The following PIK3CB variants were observed in gnomAD, a reference collection of about 807,000 sequenced individuals.
PIK3CB encodes phosphatidylinositol 4,5-bisphosphate 3-kinase catalytic subunit beta isoform.
In PIK3CB, 39 loss-of-function variants were observed where a neutral mutation model predicts 136.8. The observed-to-expected ratio is 0.29, with a 90% confidence interval of 0.22 to 0.37. The LOEUF is 0.37. Ranked by LOEUF, PIK3CB falls within the 10% of genes least tolerant of loss-of-function variation. PIK3CB has a pLI of 1.00. For synonymous variants in PIK3CB, 428 were observed against 436.6 expected (o/e 0.98, Z 0.25); for missense variants, 868 against 1,275.4 (o/e 0.68, Z 4.87).
chr3:138,792,626 A>G (rs771695208), intron 2 of PIK3CB, among the ~76,000 whole-genome samples: 1 of 152,218 alleles, frequency 6.6e-6, no homozygotes, highest in African/African-American at 2.4e-5. Context: ...AGAGGTAAGA[A>G]GTTTGATTGA....
chr3:138,732,991 T>G lies in PIK3CB; in HGVS notation c.1050+370A>C, dbSNP rs75369742. On this transcript the variant is annotated intron_variant, in intron 8 of 23. Transcript: ENST00000674063. ...CGGGTTGTACATTAGCTCTCTAGAA[T>G]TATTCAACCAAGATAACTCTACTTT... Among the ~76,000 whole-genome samples, 936 of 151,604 alleles carry G rather than the reference T, an allele frequency of 6.2e-3. 6 individuals carry two copies. The highest frequency in any genetic ancestry group is 9.7e-3 in the Non-Finnish European group (658 of 67,860).
intron 19 of PIK3CB, among the ~76,000 whole-genome samples, chr3:138,681,292 C>T (rs536473813): frequency 3.4e-4 from 51 of 152,032 alleles, no homozygotes; most frequent in African/African-American, 1.2e-3. Flanking sequence ...GTGATCTGCC[C>T]GCTTTGGTCT....
intron 8 of PIK3CB, among the ~76,000 whole-genome samples, chr3:138,732,811 A>T (rs1362102019): frequency 6.6e-6 from 1 of 151,518 alleles, no homozygotes; most frequent in East Asian, 1.9e-4. Context: ...AAAACATGAG[A>T]TCTATAGTTT....
chr3:138,809,363 T>C (rs1379785167), intron 1 of PIK3CB, among the ~76,000 whole-genome samples: 1 of 148,568 alleles, frequency 6.7e-6, no homozygotes, highest in African/African-American at 2.5e-5. Flanking sequence ...CCCAGCACTT[T>C]GGGAGGCCGA....
At chr3:138,681,052 GT>G (rs61348148) in intron 19 of PIK3CB, among the ~76,000 whole-genome samples, 8 of 139,286 alleles carry the variant, frequency 5.7e-5, no homozygotes, top group African/African-American at 1.1e-4. Flanking sequence ...TTTTTTTTTT[GT>G]TTTTTTTTTT....
In PIK3CB at chr3:138,711,658, A is replaced by G. The variant is rs555919553; in HGVS notation, c.1399+550T>C. Reference sequence around the variant, plus strand: ...GTATGGAGATGCATAAGATTTAAAGACAAAGCTACCCATCACAAAACTTAA... The same window carrying G: ...GTATGGAGATGCATAAGATTTAAAGGCAAAGCTACCCATCACAAAACTTAA... On this transcript the variant is annotated intron_variant, in intron 10 of 23. Transcript: ENST00000674063. Among the ~76,000 whole-genome samples, 3 of 152,072 alleles carry G rather than the reference A, an allele frequency of 2.0e-5. No individual in the cohort carries two copies. In the East Asian group the frequency reaches 5.8e-4, roughly 29 times the overall value.
chr3:138,743,525 C>A (rs2045286012), intron 4 of PIK3CB, among the ~76,000 whole-genome samples: 1 of 152,006 alleles, frequency 6.6e-6, no homozygotes, highest in Non-Finnish European at 1.5e-5. Context: ...GGCACCAACC[C>A]CCTACAGAGG....
At chr3:138,672,552 G>T (rs780133893) in intron 19 of PIK3CB, among the ~76,000 whole-genome samples, 1 of 152,160 alleles carries the variant, frequency 6.6e-6, no homozygotes, top group Non-Finnish European at 1.5e-5. Context: ...ATAAGGAAAT[G>T]AATAAAGTCA....
At chr3:138,719,933 T>C (rs1234133822) in intron 8 of PIK3CB, among the ~76,000 whole-genome samples, 1 of 151,892 alleles carries the variant, frequency 6.6e-6, no homozygotes, top group South Asian at 2.1e-4. Flanking sequence ...AAGAAATGTG[T>C]ATGTACAGTG....
intron 1 of PIK3CB, among the ~76,000 whole-genome samples, chr3:138,822,955 A>AAT (rs147925367): frequency 0.041 from 5,953 of 143,900 alleles, 421 homozygotes; most frequent in African/African-American, 0.14. Context: ...ATATACATGA[A>AAT]ATATATATAT....
At chr3:138,660,015 A>G (rs184180478) in intron 21 of PIK3CB, among the ~76,000 whole-genome samples, 89 of 151,594 alleles carry the variant, frequency 5.9e-4, no homozygotes, top group African/African-American at 1.9e-3. Flanking sequence ...TTAGGCTGAG[A>G]GTATACCTCC....
At chr3:138,810,272 T>C (rs1418713528) in intron 1 of PIK3CB, among the ~76,000 whole-genome samples, 1 of 151,956 alleles carries the variant, frequency 6.6e-6, no homozygotes, top group Non-Finnish European at 1.5e-5. Flanking sequence ...TACACCCCCA[T>C]CAAGGAAAGG....
chr3:138,720,783 G>C (rs574493897), intron 8 of PIK3CB, among the ~76,000 whole-genome samples: 1 of 152,088 alleles, frequency 6.6e-6, no homozygotes, highest in Non-Finnish European at 1.5e-5. Flanking sequence ...TGGGAGGATC[G>C]CCTGAGCCCT....
chr3:138,718,186 A>G (rs1208239512), intron 8 of PIK3CB, among the ~76,000 whole-genome samples: 4 of 152,194 alleles, frequency 2.6e-5, no homozygotes, highest in African/African-American at 9.7e-5. Context: ...CCTCACCAGC[A>G]TCTCTTATTT....
chr3:138,674,813 T>C (rs1477449153), intron 19 of PIK3CB, among the ~76,000 whole-genome samples: 2 of 152,182 alleles, frequency 1.3e-5, no homozygotes, highest in African/African-American at 2.4e-5. Context: ...CCCAGCACTT[T>C]GGGAGGCCAA....
At chr3:138,822,053 G>A (rs773937668) in intron 1 of PIK3CB, among the ~76,000 whole-genome samples, 1 of 151,904 alleles carries the variant, frequency 6.6e-6, no homozygotes, top group Non-Finnish European at 1.5e-5. Context: ...GGGGAGGCTC[G>A]CTTGAGCTCA....
chr3:138,786,112 T>C (rs1165470544), intron 2 of PIK3CB, among the ~76,000 whole-genome samples: 1 of 150,144 alleles, frequency 6.7e-6, no homozygotes, highest in Non-Finnish European at 1.5e-5. Flanking sequence ...AAAATAAAAG[T>C]AAAATAAAAT....
intron 1 of PIK3CB, among the ~76,000 whole-genome samples, chr3:138,827,738 G>A (rs1442484268): frequency 1.3e-5 from 2 of 151,648 alleles, no homozygotes; most frequent in Non-Finnish European, 2.9e-5. Context: ...CCAGGACTTT[G>A]GGAGGCCGAG....
intron 16 of PIK3CB, among the ~76,000 whole-genome samples, chr3:138,685,804 A>T (rs1281008710): frequency 6.6e-6 from 1 of 152,190 alleles, no homozygotes; most frequent in African/African-American, 2.4e-5. Flanking sequence ...TACAAGGTGT[A>T]TCAACAATGG....
Sources: gnomAD v4.1 joint callset for allele counts (sites outside exome capture counted in the v4.1 genomes callset) on GRCh38, gnomAD v4.1.1 for gene constraint, MANE v1.5 for transcripts, NCBI Gene and HGNC (gene_info 2026-07-23, HGNC 2026-07-21) for gene names.